The following ATP6V1H variants were observed in gnomAD, a reference collection of about 807,000 sequenced individuals.
The protein encoded by ATP6V1H is ATPase H+ transporting V1 subunit H.
Under a neutral mutation model 71.7 loss-of-function variants are expected in ATP6V1H, and 39 were observed. The ratio of observed to expected loss-of-function variants is 0.54; its 90% CI spans 0.42 to 0.71. The LOEUF (loss-of-function observed/expected upper bound fraction) is 0.71. ATP6V1H is among the 30% of genes least tolerant of loss of function. The pLI is 0.00. For missense variants in ATP6V1H, 509 were observed against 594.9 expected (o/e 0.86, Z 1.50); for synonymous variants, 192 against 199.3 (o/e 0.96, Z 0.31).
At position 53,841,655 on chromosome 8, in the gene ATP6V1H, A is replaced by T. The variant is rs200091559; in HGVS notation, c.36T>A (p.Ala12=). The change falls in exon 2 of 14, where the codon GCT becomes GCA. Residue 12 remains alanine (A), a synonymous_variant. Coordinates refer to ENST00000359530, the MANE Select transcript of ATP6V1H (RefSeq NM_015941.4). ...TKMDIRGAVD[A]AVPTNIIAAK... ...CAGCAATAATATTGGTGGGGACAGC[A>T]GCATCCACAGCACCTCGGATATCCA... 2.2e-5 allele frequency: 35 copies of T among 1,614,116 alleles called. No homozygotes were observed. In the East Asian group the frequency reaches 7.6e-4, roughly 35 times the overall value.
At chr8:53,778,519 G>A (rs1440705916) in intron 9 of ATP6V1H, among the ~76,000 whole-genome samples, 3 of 152,066 alleles carry the variant, frequency 2.0e-5, no homozygotes, top group South Asian at 2.1e-4. Context: ...TCTGACAACC[G>A]AAGACTATTC....
chr8:53,825,485 A>G (rs934458605), intron 4 of ATP6V1H, among the ~76,000 whole-genome samples: 24 of 149,140 alleles, frequency 1.6e-4, no homozygotes, highest in Non-Finnish European at 2.5e-4. Context: ...ATACTGGGGG[A>G]AAAAAAAAAC....
chr8:53,805,026 G>T (rs1482264114), intron 7 of ATP6V1H, among the ~76,000 whole-genome samples: 1 of 152,080 alleles, frequency 6.6e-6, no homozygotes, highest in Non-Finnish European at 1.5e-5. Flanking sequence ...AGTAATTGAG[G>T]AACTGCAAAA....
chr8:53,841,199 T>C (rs1016616079), intron 2 of ATP6V1H, among the ~76,000 whole-genome samples: 1 of 152,166 alleles, frequency 6.6e-6, no homozygotes, highest in African/African-American at 2.4e-5. Context: ...TATGCACCAC[T>C]CTAAAAAGGC....
At chr8:53,737,218 G>C (rs982025356) in intron 13 of ATP6V1H, among the ~76,000 whole-genome samples, 1 of 152,160 alleles carries the variant, frequency 6.6e-6, no homozygotes, top group African/African-American at 2.4e-5. Context: ...TCTGCGGCTC[G>C]TCCTGCTATG....
chr8:53,780,525 T>A (rs1005511379), intron 9 of ATP6V1H, among the ~76,000 whole-genome samples: 34 of 151,756 alleles, frequency 2.2e-4, no homozygotes, highest in African/African-American at 5.1e-4. Flanking sequence ...TATGTTATAT[T>A]TTTTTTTCTT....
intron 13 of ATP6V1H, among the ~76,000 whole-genome samples, chr8:53,737,627 G>A (rs1807266595): frequency 6.6e-6 from 1 of 152,148 alleles, no homozygotes; most frequent in South Asian, 2.1e-4. Flanking sequence ...GGAGAAATCT[G>A]GTCTTTTAGG....
At chr8:53,730,690 A>G (rs1368812050) in intron 13 of ATP6V1H, among the ~76,000 whole-genome samples, 1 of 152,228 alleles carries the variant, frequency 6.6e-6, no homozygotes, top group Non-Finnish European at 1.5e-5. Context: ...GAACACATAC[A>G]AATGCAGCAT....
At chr8:53,839,034 A>G (rs1016607331) in intron 2 of ATP6V1H, among the ~76,000 whole-genome samples, 1 of 152,184 alleles carries the variant, frequency 6.6e-6, no homozygotes, top group East Asian at 1.9e-4. Context: ...TACGGAGTGG[A>G]GGGGTTTTAC....
chr8:53,803,206 G>A (rs761125980), intron 7 of ATP6V1H, among the ~76,000 whole-genome samples: 10 of 152,118 alleles, frequency 6.6e-5, no homozygotes, highest in South Asian at 2.1e-4. Context: ...GTGTGGTGGC[G>A]TGCACCTGCA....
chr8:53,724,642 G>A (rs1482950069), intron 13 of ATP6V1H, among the ~76,000 whole-genome samples: 1 of 140,244 alleles, frequency 7.1e-6, no homozygotes, highest in Non-Finnish European at 1.5e-5. Flanking sequence ...ACGCCCCAGG[G>A]ACGGCAGTGC....
chr8:53,841,637 A>G lies in ATP6V1H; in HGVS notation c.54T>C (p.Ile18=), dbSNP rs763141069. 8 of 1,614,028 alleles carry G rather than the reference A, an allele frequency of 5.0e-6. No individual in the cohort carries two copies. The African/African-American group carries it at 1.1e-4, about 22-fold the overall frequency. The change falls in exon 2 of 14, where the codon ATT becomes ATC. Residue 18 remains isoleucine (I), a synonymous_variant. Transcript: ENST00000359530. ...GAACTTCTGCAGCCTTGGCAGCAAT[A>G]ATATTGGTGGGGACAGCAGCATCCA... The part of the protein sequence containing the change: ...GAVDAAVPTN[I]IAAKAAEVRA...
intron 2 of ATP6V1H, chr8:53,833,293 C>G: frequency 1.9e-6 from 1 of 515,134 alleles, no homozygotes; most frequent in Admixed American, 3.5e-5. Flanking sequence ...GTTAATTTAT[C>G]TGCAAAATGC....
intron 12 of ATP6V1H, 75 bp downstream of exon 12, chr8:53,756,480 T>C (rs1349679511): frequency 1.8e-6 from 2 of 1,097,728 alleles, no homozygotes; most frequent in Admixed American, 2.2e-5. Flanking sequence ...CTACTCCATT[T>C]TAGATAAGTA....
At position 53,769,546 on chromosome 8, in the gene ATP6V1H, T is replaced by G. The variant is rs1808582579; in HGVS notation, c.1175+72A>C. The G allele has an allele frequency of 2.1e-6, 3 of 1,427,776 alleles. No individual in the cohort carries two copies. In the African/African-American group the frequency reaches 4.4e-5, roughly 21 times the overall value. The allele number at this position is 1,427,776 out of a possible 1,614,324, so 88.4% of individuals were successfully genotyped here. A position where few individuals can be genotyped will look rare whatever the true frequency, so the allele number is the denominator to read the frequency against. ...ACCATAGAATATCTAAAATTTAGAGTGACAAAAACGAGTGTTGGTGAGGAT... is the reference window on the plus strand; with the variant it reads ...ACCATAGAATATCTAAAATTTAGAGGGACAAAAACGAGTGTTGGTGAGGAT... On this transcript the variant is annotated intron_variant, in intron 11 of 13. Coordinates refer to ENST00000359530, the MANE Select transcript of ATP6V1H (RefSeq NM_015941.4).
chr8:53,763,927 A>G (rs1426164658), intron 11 of ATP6V1H, among the ~76,000 whole-genome samples: 1 of 152,220 alleles, frequency 6.6e-6, no homozygotes, highest in African/African-American at 2.4e-5. Flanking sequence ...AGAGAAATAA[A>G]AACCCCAAGG....
chr8:53,775,911 CCTTGGGCGGT>C (rs1808862615), intron 9 of ATP6V1H, among the ~76,000 whole-genome samples: 1 of 152,380 alleles, frequency 6.6e-6, no homozygotes, highest in African/African-American at 2.4e-5. Context: ...ACTCCTCAGC[CCTTGGGCGGT>C]CGATGGGACT....
chr8:53,728,547 G>A (rs1215447424), intron 13 of ATP6V1H, among the ~76,000 whole-genome samples: 2 of 152,004 alleles, frequency 1.3e-5, no homozygotes, highest in Non-Finnish European at 2.9e-5. Flanking sequence ...TGTGTTGCTC[G>A]CATTACAATT....
chr8:53,812,970 C>T (rs1810330597), intron 6 of ATP6V1H, among the ~76,000 whole-genome samples: 1 of 152,138 alleles, frequency 6.6e-6, no homozygotes, highest in African/African-American at 2.4e-5. Flanking sequence ...GCTAGGATTA[C>T]AGGCATAAGC....
Sources: gnomAD v4.1 joint callset for allele counts (sites outside exome capture counted in the v4.1 genomes callset) on GRCh38, gnomAD v4.1.1 for gene constraint, MANE v1.5 for transcripts, NCBI Gene and HGNC (gene_info 2026-07-23, HGNC 2026-07-21) for gene names.